The following DOCK10 variants were observed in gnomAD, a reference collection of about 807,000 sequenced individuals.
DOCK10 encodes dedicator of cytokinesis 10.
In DOCK10, 145 loss-of-function variants were observed where a neutral mutation model predicts 280.1. That is an observed-to-expected ratio of 0.52 (90% CI 0.45 to 0.59). DOCK10 has a LOEUF of 0.59. DOCK10 is among the 20% of genes least tolerant of loss of function. The probability of loss-of-function intolerance (pLI) is 0.00; values close to 1 mark genes in which losing one functional copy is unlikely to be tolerated. For synonymous variants in DOCK10, 915 were observed against 942.2 expected (o/e 0.97, Z 0.53); for missense variants, 2,368 against 2,651.7 (o/e 0.89, Z 2.35).
At chr2:224,926,798 T>C (rs1559784039) in intron 2 of DOCK10, among the ~76,000 whole-genome samples, 1 of 152,360 alleles carries the variant, frequency 6.6e-6, no homozygotes, top group East Asian at 1.9e-4. Context: ...GGGATCAACA[T>C]TATGTTATAA....
At chr2:224,864,794 T>A in intron 12 of DOCK10, 72 bp downstream of exon 12, 1 of 1,594,880 alleles carries the variant, frequency 6.3e-7, no homozygotes, top group Non-Finnish European at 8.6e-7. Context: ...AAATTGCTCA[T>A]CTTATATGAT....
At chr2:224,821,221 C>A (rs1297443934) in intron 28 of DOCK10, among the ~76,000 whole-genome samples, 1 of 152,166 alleles carries the variant, frequency 6.6e-6, no homozygotes, top group African/African-American at 2.4e-5. Flanking sequence ...CCCAGAGGTT[C>A]TTCTTGATTC....
intron 1 of DOCK10, among the ~76,000 whole-genome samples, chr2:224,997,513 A>T (rs1460333390): frequency 6.6e-6 from 1 of 151,988 alleles, no homozygotes; most frequent in Non-Finnish European, 1.5e-5. Flanking sequence ...ATTACAGGCG[A>T]GAGCCACCGC....
At chr2:224,826,739 TTATCTATCTATCTATCTATCTATCTATC>T (rs3083079) in intron 27 of DOCK10, among the ~76,000 whole-genome samples, 24 of 145,286 alleles carry the variant, frequency 1.7e-4, no homozygotes, top group African/African-American at 5.4e-4. Context: ...ATATATATAA[TTATCTATCTATCTATCTATCTATCTATC>T]TATCTATCTA....
chr2:224,874,553 A>T, intron 9 of DOCK10, 113 bp downstream of exon 9: 1 of 1,128,852 alleles, frequency 8.9e-7, no homozygotes, highest in Non-Finnish European at 1.3e-6. Context: ...GGGAAGTTCC[A>T]AATTAGCTTC....
intron 1 of DOCK10, among the ~76,000 whole-genome samples, chr2:224,955,446 A>C (rs1703982376): frequency 6.6e-6 from 1 of 152,220 alleles, no homozygotes; most frequent in Non-Finnish European, 1.5e-5. Flanking sequence ...CTGAGTGTGA[A>C]GGCAACCAGA....
chr2:224,947,370 C>T (rs894378324), intron 1 of DOCK10, among the ~76,000 whole-genome samples: 8 of 152,144 alleles, frequency 5.3e-5, no homozygotes, highest in African/African-American at 1.9e-4. Context: ...GGTTAGACTC[C>T]AAAAGTCAAC....
In DOCK10 at chr2:225,017,638, C is replaced by CA. The variant is rs555334896; in HGVS notation, c.123+24613dup. 5.8e-3 allele frequency among the ~76,000 whole-genome samples: 540 copies of CA among 92,496 alleles called. 2 individuals carry two copies. Among genetic ancestry groups the CA allele is most frequent in the African/African-American group, 0.017 (446 of 25,514 alleles). 60.7% of individuals were successfully genotyped at this position (92,496 alleles called of 152,430 possible). On this transcript the variant is annotated intron_variant, in intron 1 of 55. Coordinates refer to ENST00000258390, the MANE Select transcript of DOCK10 (RefSeq NM_014689.3). ...CCCTTAGTAATTTTTTCTGCTTTGT[C>CA]AAAAAAAAAATGTGGATAGAACTGT... is the stretch of plus-strand genomic sequence containing the variant.
intron 39 of DOCK10, among the ~76,000 whole-genome samples, chr2:224,802,433 A>T (rs2125186228): frequency 6.6e-6 from 1 of 152,288 alleles, no homozygotes; most frequent in Non-Finnish European, 1.5e-5. Flanking sequence ...ATTATTTTTG[A>T]AGAGATAAGT....
At chr2:224,929,841 T>C (rs1388267277) in intron 2 of DOCK10, among the ~76,000 whole-genome samples, 1 of 152,114 alleles carries the variant, frequency 6.6e-6, no homozygotes, top group African/African-American at 2.4e-5. Context: ...TGACATATTT[T>C]TGAAGGACAT....
intron 1 of DOCK10, among the ~76,000 whole-genome samples, chr2:224,954,996 T>C (rs1559857289): frequency 6.6e-6 from 1 of 152,212 alleles, no homozygotes; most frequent in Non-Finnish European, 1.5e-5. Flanking sequence ...AGGGACTGTT[T>C]TCCAATTGCA....
chr2:224,859,388 C>T (rs990983593), intron 14 of DOCK10, among the ~76,000 whole-genome samples: 1 of 152,138 alleles, frequency 6.6e-6, no homozygotes, highest in Non-Finnish European at 1.5e-5. Context: ...GGAAAGAGAT[C>T]CATTCACAAC....
chr2:224,964,667 G>A (rs1704632523), intron 1 of DOCK10, among the ~76,000 whole-genome samples: 1 of 152,140 alleles, frequency 6.6e-6, no homozygotes, highest in Non-Finnish European at 1.5e-5. Flanking sequence ...ACCATGCCTG[G>A]CGTGGCCTTT....
intron 1 of DOCK10, among the ~76,000 whole-genome samples, chr2:224,955,727 T>C (rs1703999145): frequency 6.6e-6 from 1 of 152,258 alleles, no homozygotes. Flanking sequence ...ATTTCCTTTA[T>C]TTAGTTGTGC....
chr2:224,891,318 C>T (rs10202177), intron 4 of DOCK10, among the ~76,000 whole-genome samples: 26,572 of 151,904 alleles, frequency 0.17, 3,810 homozygotes, highest in African/African-American at 0.4. Flanking sequence ...TGAACTGATT[C>T]TTTTTTATAG....
In DOCK10 at chr2:224,874,150, G is replaced by T. The variant is rs761731122; in HGVS notation, c.1103C>A (p.Thr368Asn). The stretch of plus-strand genomic sequence containing the variant: ...GAGATCTTTTTTTTGAAGTTTCAAG[G>T]TCTAAAAAAGTTTTGAATGAGTCAC... ...NLFSLDPDIDTLKLQKKDLLE... is the reference protein window; with the variant it reads ...NLFSLDPDIDNLKLQKKDLLE... The change falls in exon 11 of 56, where the codon ACC becomes AAC. Residue 368 changes from threonine to asparagine, a missense_variant and splice_region_variant. By Grantham distance (65) the Thr-to-Asn change is moderately conservative. This residue lies in a region of DOCK10 where 1,209 missense variants were observed against 1,250.9 expected (regional missense o/e 0.97). Coordinates refer to ENST00000258390, the MANE Select transcript of DOCK10 (RefSeq NM_014689.3). 2.5e-6 allele frequency: 4 copies of T among 1,584,938 alleles called. No individual in the cohort carries two copies. In the Admixed American group the frequency reaches 7.4e-5, roughly 29 times the overall value.
chr2:224,889,157 T>C (rs1228148762), intron 4 of DOCK10, among the ~76,000 whole-genome samples: 1 of 152,214 alleles, frequency 6.6e-6, no homozygotes, highest in Non-Finnish European at 1.5e-5. Context: ...AGAAGTGCAT[T>C]TGGTATTCAC....
chr2:224,796,472 G>A (rs1692584876), intron 43 of DOCK10, 46 bp from the exon 44 acceptor site: 1 of 1,249,448 alleles, frequency 8.0e-7, no homozygotes, highest in Non-Finnish European at 1.1e-6. Flanking sequence ...ACCAGAAATA[G>A]TCTTCTTAAA....
Position 224,806,179 on chromosome 2 carries a change from T to G in DOCK10, c.3761A>C (p.His1254Pro). The change falls in exon 34 of 56, where the codon CAT (histidine) becomes CCT (proline). Residue 1254 changes from histidine to proline, a missense_variant. This residue lies in a region of DOCK10 where 1,159 missense variants were observed against 1,400.8 expected (regional missense o/e 0.83). Coordinates refer to ENST00000258390, the MANE Select transcript of DOCK10 (RefSeq NM_014689.3). ...GGFQSQTAIK[H>P]ANSVDTSFSK... is the part of the protein sequence containing the mutation. ...AAATGATGTATCCACAGAGTTTGCA[T>G]GTTTGATAGCTGTCTGGCTTTGAAA... is the stretch of plus-strand genomic sequence containing the variant. 6.2e-7 allele frequency: 1 copy of G among 1,611,680 alleles called. No homozygotes were observed. The highest frequency in any genetic ancestry group is 1.1e-5 in the South Asian group (1 of 90,948).
Sources: allele counts gnomAD v4.1 joint callset (sites outside exome capture counted in the v4.1 genomes callset), GRCh38; gene constraint gnomAD v4.1.1; regional missense constraint gnomAD v4.1.1; transcripts MANE v1.5; gene names NCBI Gene and HGNC (gene_info 2026-07-23, HGNC 2026-07-21).